MAST2: variants seen among roughly 807,000 people sequenced by gnomAD.
MAST2 encodes the protein microtubule associated serine/threonine kinase 2, also known as microtubule-associated serine/threonine-protein kinase 2.
MAST2 carries 70 observed loss-of-function variants against 147.4 expected under a neutral mutation model. The ratio of observed to expected loss-of-function variants is 0.47; its 90% CI spans 0.39 to 0.58. MAST2 has a LOEUF of 0.58. MAST2 is among the 20% of genes least tolerant of loss of function. The pLI is 0.00. For missense variants in MAST2, 2,080 were observed against 2,302.3 expected, an observed-to-expected ratio of 0.90 and a Z score of 1.98; for synonymous variants, 869 against 896.8, an observed-to-expected ratio of 0.97 and a Z score of 0.55.
chr1:46,030,861 A>G, intron 22 of MAST2, 100 bp downstream of exon 22: 1 of 1,474,516 alleles, frequency 6.8e-7, no homozygotes, highest in East Asian at 2.4e-5. Flanking sequence ...TGCAGGTGGC[A>G]GGGAGGGGGC....
intron 4 of MAST2, among the ~76,000 whole-genome samples, chr1:45,884,891 T>C (rs1019410564): frequency 2.6e-5 from 4 of 152,182 alleles, no homozygotes; most frequent in African/African-American, 9.7e-5. Flanking sequence ...ACCTGATCTC[T>C]ATGCTTAGTC....
chr1:45,975,493 TCC>T (rs1295566528), intron 5 of MAST2, among the ~76,000 whole-genome samples: 37 of 57,594 alleles, frequency 6.4e-4, no homozygotes, highest in Non-Finnish European at 9.0e-4. Flanking sequence ...TCCCTGTCTC[TCC>T]AAAAAAAAAA....
intron 3 of MAST2, among the ~76,000 whole-genome samples, chr1:45,851,261 T>G (rs985640055): frequency 6.6e-6 from 1 of 152,192 alleles, no homozygotes; most frequent in African/African-American, 2.4e-5. Context: ...ATTCTTTACT[T>G]GGCTCTCAGC....
intron 9 of MAST2, among the ~76,000 whole-genome samples, chr1:46,009,813 A>C (rs1330389486): frequency 6.6e-6 from 1 of 152,164 alleles, no homozygotes; most frequent in African/African-American, 2.4e-5. Flanking sequence ...CACCACATAT[A>C]TATGTATGTA....
At chr1:45,904,586 C>T (rs1326868450) in intron 4 of MAST2, among the ~76,000 whole-genome samples, 1 of 152,016 alleles carries the variant, frequency 6.6e-6, no homozygotes, top group African/African-American at 2.4e-5. Context: ...TACCTTAGCC[C>T]CCCCAAGTAG....
At chr1:45,930,572 C>T in intron 4 of MAST2, among the ~76,000 whole-genome samples, 1 of 152,132 alleles carries the variant, frequency 6.6e-6, no homozygotes, top group East Asian at 1.9e-4. Context: ...CACTTCGCAG[C>T]ACGGGGTAGA....
intron 12 of MAST2, among the ~76,000 whole-genome samples, chr1:46,022,551 C>T (rs1646231210): frequency 6.6e-6 from 1 of 151,510 alleles, no homozygotes; most frequent in African/African-American, 2.4e-5. Context: ...AGGTATCCTG[C>T]TCCTGCCTTC....
intron 10 of MAST2, among the ~76,000 whole-genome samples, chr1:46,013,530 A>G (rs1171986294): frequency 6.6e-6 from 1 of 151,976 alleles, no homozygotes. Context: ...AAAATACAAA[A>G]TTAGCTGAGC....
At chr1:45,928,903 C>A (rs1006946519) in intron 4 of MAST2, among the ~76,000 whole-genome samples, 3 of 150,930 alleles carry the variant, frequency 2.0e-5, no homozygotes, top group African/African-American at 7.3e-5. Flanking sequence ...TTCCCACATT[C>A]TGGATTTTGC....
chr1:45,834,114 G>A (rs368012637), intron 3 of MAST2, among the ~76,000 whole-genome samples: 6 of 152,172 alleles, frequency 3.9e-5, no homozygotes, highest in Admixed American at 2.0e-4. Flanking sequence ...TGGAGTAACG[G>A]CCGTCTATAG....
At chr1:46,008,937 T>C (rs980859113) in intron 9 of MAST2, among the ~76,000 whole-genome samples, 10 of 152,208 alleles carry the variant, frequency 6.6e-5, no homozygotes, top group Admixed American at 5.2e-4. Flanking sequence ...AGCAGGAAAA[T>C]GCTGAGGAAG....
In MAST2 at chr1:45,911,296, ATCT is replaced by A. The variant is rs143759059; in HGVS notation, c.500+28906_500+28908del. The stretch of plus-strand genomic sequence containing the variant: ...TGTGTTACCTGGAGGTAAAAGTAAT[ATCT>A]TCTTTGGTCAGATAAAGGATGTAAA... On this transcript the variant is annotated intron_variant, in intron 4 of 28. Coordinates refer to ENST00000361297, the MANE Select transcript of MAST2 (RefSeq NM_015112.3). 3.6e-3 allele frequency among the ~76,000 whole-genome samples: 544 copies of A among 152,354 alleles called. 6 individuals carry two copies. The highest frequency in any genetic ancestry group is 0.034 in the East Asian group (176 of 5,186).
chr1:45,922,254 G>A (rs1200902344), intron 4 of MAST2, among the ~76,000 whole-genome samples: 4 of 152,336 alleles, frequency 2.6e-5, no homozygotes, highest in Admixed American at 6.5e-5. Context: ...TTGCCCTTGC[G>A]GTTTCTGGGA....
chr1:46,007,468 G>A (rs151026862), intron 8 of MAST2, among the ~76,000 whole-genome samples: 2 of 152,128 alleles, frequency 1.3e-5, no homozygotes, highest in Non-Finnish European at 1.5e-5. Context: ...AGATTGAGAG[G>A]CCCACAGTGA....
At chr1:45,914,459 CA>C (rs1652159731) in intron 4 of MAST2, among the ~76,000 whole-genome samples, 1 of 152,196 alleles carries the variant, frequency 6.6e-6, no homozygotes, top group Non-Finnish European at 1.5e-5. Flanking sequence ...AAGAGCAGCT[CA>C]GGCTTATTTA....
At chr1:46,013,451 C>G (rs894986603) in intron 10 of MAST2, among the ~76,000 whole-genome samples, 1 of 152,128 alleles carries the variant, frequency 6.6e-6, no homozygotes, top group African/African-American at 2.4e-5. Flanking sequence ...GAGGCTGAGG[C>G]AGGCAGATCA....
chr1:45,904,007 CTTAT>C, intron 4 of MAST2, among the ~76,000 whole-genome samples: 1 of 152,126 alleles, frequency 6.6e-6, no homozygotes, highest in African/African-American at 2.4e-5. Flanking sequence ...TGCTTATTTG[CTTAT>C]TTATTTGTTT....
intron 8 of MAST2, among the ~76,000 whole-genome samples, chr1:46,007,796 A>C (rs764740995): frequency 6.6e-6 from 1 of 152,260 alleles, no homozygotes; most frequent in African/African-American, 2.4e-5. Context: ...CCAGATGTAT[A>C]ACTCACAACA....
intron 3 of MAST2, among the ~76,000 whole-genome samples, chr1:45,847,803 C>T (rs911868552): frequency 1.3e-5 from 2 of 152,138 alleles, no homozygotes; most frequent in African/African-American, 4.8e-5. Context: ...ATCTCCCCGC[C>T]TCAGCTTCCC....
Sources: gnomAD v4.1 joint callset for allele counts (sites outside exome capture counted in the v4.1 genomes callset) on GRCh38, gnomAD v4.1.1 for gene constraint, MANE v1.5 for transcripts, NCBI Gene and HGNC (gene_info 2026-07-23, HGNC 2026-07-21) for gene names.